TFB1M: variants seen among roughly 807,000 people sequenced by gnomAD.
TFB1M encodes the protein dimethyladenosine transferase 1, mitochondrial.
A neutral mutation model predicts 31.1 loss-of-function variants in TFB1M; 27 were observed. That is an observed-to-expected ratio of 0.87 (90% confidence interval 0.64 to 1.20). The LOEUF is 1.20. Among genes scored for constraint, TFB1M ranks in the 50% most tolerant of loss-of-function variants. The pLI is 0.00. For missense variants in TFB1M, 394 were observed against 418.7 expected, an observed-to-expected ratio of 0.94 and a Z score of 0.51; for synonymous variants, 166 against 151.8, an observed-to-expected ratio of 1.09 and a Z score of -0.69.
chr6:155,258,456 A>G (rs1173834050), intron 6 of TFB1M, among the ~76,000 whole-genome samples: 2 of 152,226 alleles, frequency 1.3e-5, no homozygotes, highest in African/African-American at 4.8e-5. Context: ...TGTGTGACAA[A>G]TCATCAGTTT....
chr6:155,257,773 T>C lies in TFB1M; in HGVS notation c.*63A>G. 6.3e-7 allele frequency: 1 copy of C among 1,597,824 alleles called. No homozygotes were observed. Reference sequence around the variant, plus strand: ...CATTCTGTAAAGACAAAAGAGTACCTATATAAGAAGCTCCACGTAGTGCAA... The same window carrying C: ...CATTCTGTAAAGACAAAAGAGTACCCATATAAGAAGCTCCACGTAGTGCAA... On this transcript the variant is annotated 3_prime_UTR_variant, in exon 7 of 7. Coordinates refer to ENST00000367166, the MANE Select transcript of TFB1M (RefSeq NM_016020.4).
intron 4 of TFB1M, among the ~76,000 whole-genome samples, chr6:155,288,174 C>G (rs1469601072): frequency 6.6e-6 from 1 of 152,114 alleles, no homozygotes; most frequent in East Asian, 1.9e-4. Context: ...TTCCTATGGG[C>G]AAAGTTATAG....
intron 2 of TFB1M, among the ~76,000 whole-genome samples, chr6:155,307,903 T>C (rs1026947127): frequency 6.1e-5 from 8 of 130,200 alleles, no homozygotes; most frequent in African/African-American, 2.3e-4. Context: ...TGCTCTAAAA[T>C]AAACAGAAAA....
At chr6:155,261,783 G>A (rs1359114641) in intron 5 of TFB1M, among the ~76,000 whole-genome samples, 1 of 152,202 alleles carries the variant, frequency 6.6e-6, no homozygotes, top group South Asian at 2.1e-4. Context: ...AAGGGGCGGT[G>A]TGGGCTGGCG....
chr6:155,257,099 C>CAGAG lies in TFB1M; in HGVS notation c.*733_*736dup. ...GTCAGTGAGGAGTGTTTTTATGAAA[C>CAGAG]AGAGAGCCACGGAAAATCATAGTAT... On this transcript the variant is annotated 3_prime_UTR_variant, in exon 7 of 7. Coordinates refer to ENST00000367166, the MANE Select transcript of TFB1M (RefSeq NM_016020.4). 6.2e-7 allele frequency: 1 copy of CAGAG among 1,601,182 alleles called. No homozygotes were observed. Among genetic ancestry groups the CAGAG allele is most frequent in the South Asian group, 1.1e-5 (1 of 90,816 alleles).
chr6:155,254,610 A>G, downstream of TFB1M: 1 of 1,600,436 alleles, frequency 6.2e-7, no homozygotes, highest in Non-Finnish European at 8.6e-7. Context: ...ATTCAACAAA[A>G]TATTATGAGC....
chr6:155,233,710 T>C, the TFB1M span, among the ~76,000 whole-genome samples: 1 of 152,168 alleles, frequency 6.6e-6, no homozygotes, highest in African/African-American at 2.4e-5. Context: ...GGCTCACGCC[T>C]ATAATCCCAG....
At chr6:155,234,990 G>A in the TFB1M span, among the ~76,000 whole-genome samples, 2 of 117,856 alleles carry the variant, frequency 1.7e-5, no homozygotes, top group Admixed American at 7.8e-5. Context: ...AGCTAGAGAC[G>A]GAGCACAGCT....
chr6:155,286,836 T>G (rs374022302), intron 4 of TFB1M, among the ~76,000 whole-genome samples: 1 of 151,732 alleles, frequency 6.6e-6, no homozygotes, highest in African/African-American at 2.4e-5. Flanking sequence ...CAAAAACTAC[T>G]GTACTTTATT....
chr6:155,234,790 C>T, the TFB1M span, among the ~76,000 whole-genome samples: 76,244 of 152,144 alleles, frequency 0.5, 20,120 homozygotes, highest in Middle Eastern at 0.6. Flanking sequence ...TGAGCTGTTT[C>T]TGCCTCTCTA....
At position 155,314,340 on chromosome 6, in the gene TFB1M, G is replaced by A. The variant is rs1778155073; in HGVS notation, c.89C>T (p.Ala30Val). ...GAGGAAATTCTGTGATAGCTGCTTCGCTGCTTGCAGTCTTAACAACTTAAT... is the reference window on the plus strand; with the variant it reads ...GAGGAAATTCTGTGATAGCTGCTTCACTGCTTGCAGTCTTAACAACTTAAT... ...EIIKLLRLQAAKQLSQNFLLD... is the reference protein window; with the variant it reads ...EIIKLLRLQAVKQLSQNFLLD... Residue 30 changes from alanine (A) to valine (V), a missense_variant, in exon 1 of 7, where the codon GCG (alanine) becomes GTG (valine). By Grantham distance (64) the Ala-to-Val change is moderately conservative (BLOSUM62 0). This residue lies in a region of TFB1M where 273 missense variants were observed against 256.4 expected (regional missense o/e 1.06). Coordinates refer to ENST00000367166, the MANE Select transcript of TFB1M (RefSeq NM_016020.4). The A allele has an allele frequency of 6.2e-6, 10 of 1,614,114 alleles. No homozygotes were observed. Among genetic ancestry groups the A allele is most frequent in the Non-Finnish European group, 8.5e-6 (10 of 1,180,044 alleles).
In TFB1M at chr6:155,311,354, G is replaced by A. The variant is rs373360690; in HGVS notation, c.134-15C>T. The A allele has an allele frequency of 1.2e-6, 2 of 1,611,434 alleles. No individual in the cohort carries two copies. The highest frequency in any genetic ancestry group is 2.2e-5 in the East Asian group (1 of 44,854). On this transcript the variant is annotated splice_polypyrimidine_tract_variant and intron_variant, in intron 1 of 6. Coordinates refer to ENST00000367166, the MANE Select transcript of TFB1M (RefSeq NM_016020.4). ...TACAATCTTATCTAGAGGAAAAAGA[G>A]TTTTAGTTATCTCAATTAACTTGGC...
chr6:155,249,225 A>T, the TFB1M span, among the ~76,000 whole-genome samples: 1 of 152,258 alleles, frequency 6.6e-6, no homozygotes, highest in Admixed American at 6.5e-5. Flanking sequence ...TTATAAAATA[A>T]TGTATCTCTC....
At chr6:155,283,776 A>G (rs898314692) in intron 5 of TFB1M, among the ~76,000 whole-genome samples, 2 of 152,260 alleles carry the variant, frequency 1.3e-5, no homozygotes, top group African/African-American at 2.4e-5. Flanking sequence ...TGAGTCTTAC[A>G]CTATTTAAAA....
intron 3 of TFB1M, among the ~76,000 whole-genome samples, chr6:155,298,079 T>G (rs1185731552): frequency 6.6e-6 from 1 of 152,238 alleles, no homozygotes; most frequent in Non-Finnish European, 1.5e-5. Flanking sequence ...ACTGCCTTGG[T>G]TGGTCATTGA....
chr6:155,257,961 C>CATCA lies in TFB1M; in HGVS notation c.912_915dup (p.Val306Ter), dbSNP rs1376345368. On this transcript the variant is annotated stop_gained and frameshift_variant, in exon 7 of 7. Coordinates refer to ENST00000367166, the MANE Select transcript of TFB1M (RefSeq NM_016020.4). LOFTEE classifies it low-confidence loss of function (END_TRUNC). ...TCTTCATCACACATTTTTCTGTATA[C>CATCA]ATCACAGAGGCTCTTAAAGTGTGAG... The CATCA allele has an allele frequency of 5.6e-6, 9 of 1,614,086 alleles. No individual in the cohort carries two copies. The highest frequency in any genetic ancestry group is 2.7e-5 in the African/African-American group (2 of 74,916).
chr6:155,264,125 G>C (rs1275357174), intron 5 of TFB1M: 1 of 152,184 alleles, frequency 6.6e-6, no homozygotes. Context: ...ACAGGGGCTT[G>C]GGAGAGCCAC....
intron 5 of TFB1M, among the ~76,000 whole-genome samples, chr6:155,282,557 C>T (rs947050912): frequency 1.3e-5 from 2 of 152,092 alleles, no homozygotes; most frequent in African/African-American, 4.8e-5. Context: ...TCTCAACCAC[C>T]CAGGAATCTG....
In TFB1M at chr6:155,266,779, G is replaced by A. The variant is rs529081662; in HGVS notation, c.667-6379C>T. On this transcript the variant is annotated intron_variant, in intron 5 of 6. Coordinates refer to ENST00000367166, the MANE Select transcript of TFB1M (RefSeq NM_016020.4). ...GGAGAATGGCGTGAGCCTGGGAGGCGGAGCTTGCAGTGAGCTGAGATCGTG... is the reference window on the plus strand; with the variant it reads ...GGAGAATGGCGTGAGCCTGGGAGGCAGAGCTTGCAGTGAGCTGAGATCGTG... Among the ~76,000 whole-genome samples, 7 of 148,140 alleles carry A rather than the reference G, an allele frequency of 4.7e-5. No homozygotes were observed. The South Asian group carries it at 6.5e-4, about 14-fold the overall frequency.
Sources: gnomAD v4.1 joint callset for allele counts (sites outside exome capture counted in the v4.1 genomes callset) on GRCh38, gnomAD v4.1.1 for gene constraint, gnomAD v4.1.1 regional missense constraint, MANE v1.5 for transcripts, NCBI Gene and HGNC (gene_info 2026-07-23, HGNC 2026-07-21) for gene names.